Variants in MBNL3 observed in about 807,000 individuals in gnomAD.
MBNL3 encodes the protein muscleblind-like protein 3.
Under a neutral mutation model 24.5 loss-of-function variants are expected in MBNL3, and 6 were observed. The ratio of observed to expected loss-of-function variants is 0.25; its 90% CI spans 0.13 to 0.48. MBNL3 has a LOEUF of 0.48. MBNL3 is among the 20% of genes least tolerant of loss of function. The pLI is 0.99. For synonymous variants in MBNL3, 100 were observed against 101.7 expected (o/e 0.98, Z 0.10); for missense variants, 230 against 293.5 (o/e 0.78, Z 1.58).
intron 3 of MBNL3, among the ~76,000 whole-genome samples, chrX:132,401,796 G>A (rs1603185747): frequency 9.1e-6 from 1 of 110,494 alleles, no homozygotes; most frequent in South Asian, 3.8e-4. Flanking sequence ...TCATTAATTA[G>A]TATATCTCCC....
At chrX:132,476,656 C>T (rs188828472) in intron 1 of MBNL3, among the ~76,000 whole-genome samples, 99 of 111,935 alleles carry the variant, frequency 8.8e-4, no homozygotes, top group African/African-American at 3.0e-3. Flanking sequence ...TTATATAAAA[C>T]GTCACAATAT....
At chrX:132,458,976 T>C (rs1459441885) in intron 1 of MBNL3, among the ~76,000 whole-genome samples, 2 of 106,347 alleles carry the variant, frequency 1.9e-5, no homozygotes. Context: ...CCTTAATCAC[T>C]CCAGCATGTA....
At chrX:132,460,986 T>C (rs1946601106) in intron 1 of MBNL3, among the ~76,000 whole-genome samples, 1 of 111,856 alleles carries the variant, frequency 8.9e-6, no homozygotes, top group African/African-American at 3.3e-5. Flanking sequence ...TTGAGTTACT[T>C]CACTTAGAAT....
intron 4 of MBNL3, among the ~76,000 whole-genome samples, chrX:132,391,344 A>C (rs1937146310): frequency 1.8e-5 from 2 of 112,091 alleles, no homozygotes; most frequent in African/African-American, 6.5e-5. Context: ...ATGTTTAAAA[A>C]AGTATTACTG....
In MBNL3 at chrX:132,440,204, G is replaced by A. The variant is rs779418780; in HGVS notation, c.-593C>T. On this transcript the variant is annotated 5_prime_UTR_variant, in exon 2 of 9. Transcript: ENST00000370853. ...AAACTACAAGCACACCAGGTTCGGC[G>A]GGGAGGTGGAGAGGGCAGGGAACGG... 1.8e-5 allele frequency among the ~76,000 whole-genome samples: 2 copies of A among 110,738 alleles called. No homozygotes were observed. The highest frequency in any genetic ancestry group is 5.7e-4 in the East Asian group (2 of 3,530).
At chrX:132,434,610 G>T (rs906717602) in intron 2 of MBNL3, among the ~76,000 whole-genome samples, 12 of 111,630 alleles carry the variant, frequency 1.1e-4, no homozygotes, top group African/African-American at 3.9e-4. Flanking sequence ...TCTGCGTGTG[G>T]GTTTCTTTTT....
At chrX:132,424,239 CTG>C (rs750638182) in intron 2 of MBNL3, among the ~76,000 whole-genome samples, 2 of 112,124 alleles carry the variant, frequency 1.8e-5, no homozygotes, top group Admixed American at 1.9e-4. Context: ...AAAGTAAAAA[CTG>C]TGCTAGATAC....
At position 132,488,675 on chromosome X, in the gene MBNL3, AAGG is replaced by A. The variant is rs1391143758; in HGVS notation, c.-704+173_-704+175del. 8.9e-5 allele frequency among the ~76,000 whole-genome samples: 10 copies of A among 112,566 alleles called. No individual in the cohort carries two copies. In the South Asian group the frequency reaches 1.5e-3, roughly 17 times the overall value. On this transcript the variant is annotated intron_variant, in intron 1 of 8. Coordinates refer to ENST00000370853, the MANE Select transcript of MBNL3 (RefSeq NM_001386889.1). ...GAGGAGGAAGAGAAGGAAGAAGAAA[AAGG>A]AGGAGGAGGAAAGGAGGAGGAAAAT... is the stretch of plus-strand genomic sequence containing the variant.
chrX:132,474,111 G>C (rs1167270095), intron 1 of MBNL3, among the ~76,000 whole-genome samples: 1 of 111,347 alleles, frequency 9.0e-6, no homozygotes, highest in Non-Finnish European at 1.9e-5. Context: ...CCTGAGGTTT[G>C]TTATTTTTTT....
intron 1 of MBNL3, among the ~76,000 whole-genome samples, chrX:132,459,203 T>C: frequency 9.3e-6 from 1 of 107,453 alleles, no homozygotes; most frequent in Non-Finnish European, 1.9e-5. Context: ...AAATTGTCAG[T>C]TGTGTAAGAG....
intron 2 of MBNL3, among the ~76,000 whole-genome samples, chrX:132,438,568 T>G (rs1427483601): frequency 9.0e-6 from 1 of 110,801 alleles, no homozygotes; most frequent in Non-Finnish European, 1.9e-5. Context: ...GTAGCAAATC[T>G]TAATTAAACC....
intron 7 of MBNL3, among the ~76,000 whole-genome samples, chrX:132,383,258 G>T (rs1446138824): frequency 8.9e-6 from 1 of 112,182 alleles, no homozygotes; most frequent in African/African-American, 3.2e-5. Context: ...CAATGTCATA[G>T]AAACTGAAAA....
intron 3 of MBNL3, among the ~76,000 whole-genome samples, chrX:132,392,993 A>C (rs1213146093): frequency 9.0e-6 from 1 of 111,216 alleles, no homozygotes; most frequent in Admixed American, 9.6e-5. Context: ...CTGTTTTTTA[A>C]ATTTTTATGT....
chrX:132,395,393 T>TA (rs1344745229), intron 3 of MBNL3, among the ~76,000 whole-genome samples: 1 of 112,132 alleles, frequency 8.9e-6, no homozygotes, highest in Non-Finnish European at 1.9e-5. Flanking sequence ...CTATACTGAC[T>TA]CTGATTTATC....
At chrX:132,470,384 C>CA (rs199651467) in intron 1 of MBNL3, among the ~76,000 whole-genome samples, 213 of 102,815 alleles carry the variant, frequency 2.1e-3, no homozygotes, top group African/African-American at 5.6e-3. Flanking sequence ...AATGCAAAAA[C>CA]AAAAAAAAAC....
chrX:132,425,375 T>G (rs1944218891), intron 2 of MBNL3, among the ~76,000 whole-genome samples: 1 of 112,156 alleles, frequency 8.9e-6, no homozygotes, highest in South Asian at 3.7e-4. Context: ...ATATTGAAAT[T>G]ACTTTCCTAT....
chrX:132,409,325 G>A (rs759581192), intron 2 of MBNL3, among the ~76,000 whole-genome samples: 1 of 111,927 alleles, frequency 8.9e-6, no homozygotes, highest in East Asian at 2.8e-4. Context: ...GTAAGGTTGG[G>A]ATAGAGTGGG....
intron 5 of MBNL3, 98 bp from the exon 6 acceptor site, chrX:132,386,909 G>GT (rs1936155662): frequency 1.0e-6 from 1 of 970,411 alleles, no homozygotes; most frequent in African/African-American, 1.9e-5. Context: ...GGAATCCTCC[G>GT]TAAGGGTATG....
At chrX:132,448,407 C>T (rs186070235) in intron 1 of MBNL3, among the ~76,000 whole-genome samples, 48 of 111,897 alleles carry the variant, frequency 4.3e-4, no homozygotes, top group Admixed American at 4.2e-3. Context: ...TCCATTTCTT[C>T]TAGATTTTCT....
Sources: allele counts gnomAD v4.1 joint callset (sites outside exome capture counted in the v4.1 genomes callset), GRCh38; gene constraint gnomAD v4.1.1; transcripts MANE v1.5; gene names NCBI Gene and HGNC (gene_info 2026-07-23, HGNC 2026-07-21).